KIAA1328: variants seen among roughly 807,000 people sequenced by gnomAD.
KIAA1328 encodes protein hinderin.
A neutral mutation model predicts 68.1 loss-of-function variants in KIAA1328; 52 were observed. The observed-to-expected ratio is 0.76, with a 90% CI of 0.61 to 0.96. The LOEUF (loss-of-function observed/expected upper bound fraction) is 0.96. KIAA1328 is among the 40% of genes least tolerant of loss of function. The pLI, the probability that KIAA1328 is intolerant of heterozygous loss-of-function variation, is 0.00. For synonymous variants in KIAA1328, 232 were observed against 239.4 expected, an observed-to-expected ratio of 0.97 and a Z score of 0.28; for missense variants, 641 against 677.6, an observed-to-expected ratio of 0.95 and a Z score of 0.60.
chr18:37,221,442 T>C (rs1269627279), intron 9 of KIAA1328, among the ~76,000 whole-genome samples: 1 of 152,228 alleles, frequency 6.6e-6, no homozygotes, highest in Admixed American at 6.5e-5. Flanking sequence ...AACAGAGATT[T>C]GAACCAAGCG....
At chr18:37,198,082 C>T (rs2060037237) in intron 9 of KIAA1328, among the ~76,000 whole-genome samples, 1 of 152,074 alleles carries the variant, frequency 6.6e-6, no homozygotes, top group Non-Finnish European at 1.5e-5. Context: ...AAGCCAGTCA[C>T]AAAAGGCCAT....
At chr18:36,913,758 A>G (rs2049569175) in intron 5 of KIAA1328, among the ~76,000 whole-genome samples, 1 of 152,152 alleles carries the variant, frequency 6.6e-6, no homozygotes, top group African/African-American at 2.4e-5. Flanking sequence ...TTCCATTGCA[A>G]TGCCCTATTC....
At chr18:37,196,657 T>A (rs957459553) in intron 9 of KIAA1328, among the ~76,000 whole-genome samples, 1 of 152,214 alleles carries the variant, frequency 6.6e-6, no homozygotes, top group African/African-American at 2.4e-5. Flanking sequence ...TGGTGAATGA[T>A]ATTTTTAATG....
intron 5 of KIAA1328, among the ~76,000 whole-genome samples, chr18:36,939,381 T>C (rs2050623141): frequency 6.6e-6 from 1 of 152,184 alleles, no homozygotes; most frequent in Non-Finnish European, 1.5e-5. Flanking sequence ...TTTCTTATTT[T>C]CTTTTTCGGA....
At chr18:36,940,595 G>A (rs1320409694) in intron 5 of KIAA1328, among the ~76,000 whole-genome samples, 1 of 151,350 alleles carries the variant, frequency 6.6e-6, no homozygotes, top group Admixed American at 6.6e-5. Context: ...TTATATGAAT[G>A]TAATGCCTGT....
intron 6 of KIAA1328, among the ~76,000 whole-genome samples, chr18:36,991,946 G>A (rs2053194811): frequency 6.6e-6 from 1 of 152,134 alleles, no homozygotes; most frequent in African/African-American, 2.4e-5. Context: ...TAGTTGTTCG[G>A]GGGCCACCAC....
At chr18:37,120,411 T>C (rs1599344289) in intron 7 of KIAA1328, among the ~76,000 whole-genome samples, 2 of 151,764 alleles carry the variant, frequency 1.3e-5, no homozygotes, top group East Asian at 3.9e-4. Context: ...TTGGCTGAGA[T>C]GGAATGGTGA....
intron 7 of KIAA1328, among the ~76,000 whole-genome samples, chr18:37,133,728 T>C (rs2058579723): frequency 6.6e-6 from 1 of 151,932 alleles, no homozygotes; most frequent in Non-Finnish European, 1.5e-5. Context: ...GGTTTCACCG[T>C]GTTAGCCAGG....
intron 9 of KIAA1328, among the ~76,000 whole-genome samples, chr18:37,208,747 T>G (rs1204072759): frequency 6.6e-6 from 1 of 152,142 alleles, no homozygotes; most frequent in Non-Finnish European, 1.5e-5. Flanking sequence ...AGGTTTCAAT[T>G]AAAGCTAGGA....
At chr18:37,014,684 C>A (rs560313334) in intron 6 of KIAA1328, among the ~76,000 whole-genome samples, 45 of 152,136 alleles carry the variant, frequency 3.0e-4, no homozygotes, top group African/African-American at 9.9e-4. Flanking sequence ...GGAGGTGCTA[C>A]ACACTTTTAG....
chr18:36,941,392 C>A (rs184651653), intron 5 of KIAA1328, among the ~76,000 whole-genome samples: 2 of 152,054 alleles, frequency 1.3e-5, no homozygotes, highest in African/African-American at 4.8e-5. Context: ...ATCAGGAGTT[C>A]GAGACTAGCG....
intron 7 of KIAA1328, among the ~76,000 whole-genome samples, chr18:37,103,545 C>G (rs2057685450): frequency 6.6e-6 from 1 of 152,050 alleles, no homozygotes; most frequent in East Asian, 1.9e-4. Context: ...TGAAATTATA[C>G]AAGTGCTAAA....
chr18:36,965,435 G>A (rs1418857729), intron 6 of KIAA1328, among the ~76,000 whole-genome samples: 1 of 149,620 alleles, frequency 6.7e-6, no homozygotes, highest in Non-Finnish European at 1.5e-5. Flanking sequence ...AAGGCGATCA[G>A]GAGTTCGAAA....
At chr18:37,136,751 C>T (rs323329) in intron 7 of KIAA1328, among the ~76,000 whole-genome samples, 16,063 of 152,186 alleles carry the variant, frequency 0.11, 2,868 homozygotes, top group African/African-American at 0.37. Context: ...ACATTTTTGT[C>T]TTCCCATATG....
chr18:37,033,853 A>G (rs998549558), intron 6 of KIAA1328, among the ~76,000 whole-genome samples: 1 of 152,172 alleles, frequency 6.6e-6, no homozygotes, highest in Non-Finnish European at 1.5e-5. Context: ...ATAAAAATTT[A>G]TGTCTATTTT....
At chr18:36,953,171 A>G (rs991591058) in intron 5 of KIAA1328, among the ~76,000 whole-genome samples, 2 of 149,290 alleles carry the variant, frequency 1.3e-5, no homozygotes, top group East Asian at 1.9e-4. Flanking sequence ...TAATACATAT[A>G]TCATAAATAT....
chr18:37,146,490 C>A (rs1471891372), intron 7 of KIAA1328, among the ~76,000 whole-genome samples: 2 of 152,086 alleles, frequency 1.3e-5, no homozygotes, highest in African/African-American at 4.8e-5. Context: ...CATTGATGGG[C>A]ATTTAGGTTG....
At chr18:37,193,214 G>A (rs1326816536) in intron 9 of KIAA1328, among the ~76,000 whole-genome samples, 1 of 152,082 alleles carries the variant, frequency 6.6e-6, no homozygotes, top group African/African-American at 2.4e-5. Context: ...ACTAACAGCC[G>A]GGGTGAAAAA....
intron 7 of KIAA1328, among the ~76,000 whole-genome samples, chr18:37,108,158 A>G (rs1568415869): frequency 2.6e-5 from 4 of 152,194 alleles, no homozygotes; most frequent in Admixed American, 2.6e-4. Flanking sequence ...TAAAGAAAAT[A>G]TGGTAAATAT....
Sources: gnomAD v4.1 joint callset for allele counts (sites outside exome capture counted in the v4.1 genomes callset) on GRCh38, gnomAD v4.1.1 for gene constraint, MANE v1.5 for transcripts, NCBI Gene and HGNC (gene_info 2026-07-23, HGNC 2026-07-21) for gene names.